The following TAFA5 variants were observed in gnomAD, a reference collection of about 807,000 sequenced individuals.
TAFA5 encodes the protein TAFA chemokine like family member 5.
Under a neutral mutation model 15.3 loss-of-function variants are expected in TAFA5, and 6 were observed. That is an observed-to-expected ratio of 0.39 (90% CI 0.21 to 0.77). The LOEUF (loss-of-function observed/expected upper bound fraction) is 0.77. TAFA5 is among the 30% of genes least tolerant of loss of function. The probability of loss-of-function intolerance (pLI) is 0.41; values close to 1 mark genes in which losing one functional copy is unlikely to be tolerated. For missense variants in TAFA5, 161 were observed against 193.1 expected (o/e 0.83, Z 0.98); for synonymous variants, 103 against 80.7 (o/e 1.28, Z -1.48).
At chr22:48,654,573 C>A (rs1927171704) in intron 2 of TAFA5, among the ~76,000 whole-genome samples, 2 of 152,264 alleles carry the variant, frequency 1.3e-5, no homozygotes, top group Non-Finnish European at 2.9e-5. Context: ...CAGGCACGTC[C>A]CATCCCTCGT....
chr22:48,628,862 A>C (rs1360227701), intron 1 of TAFA5, among the ~76,000 whole-genome samples: 1 of 152,212 alleles, frequency 6.6e-6, no homozygotes. Context: ...GCCTCCTGCA[A>C]GGTGGAAGGT....
chr22:48,508,237 C>G (rs1032645642), intron 1 of TAFA5, among the ~76,000 whole-genome samples: 1 of 152,170 alleles, frequency 6.6e-6, no homozygotes, highest in Non-Finnish European at 1.5e-5. Context: ...GCAGCTTTAT[C>G]CCAGCTTTGC....
At chr22:48,607,276 A>T (rs1377448287) in intron 1 of TAFA5, among the ~76,000 whole-genome samples, 1 of 126,082 alleles carries the variant, frequency 7.9e-6, no homozygotes, top group Non-Finnish European at 1.7e-5. Context: ...CAGGTACCTC[A>T]GCCTGGAGCA....
intron 1 of TAFA5, among the ~76,000 whole-genome samples, chr22:48,572,204 T>G (rs1923615345): frequency 6.6e-6 from 1 of 152,226 alleles, no homozygotes; most frequent in African/African-American, 2.4e-5. Context: ...TGCAAACACC[T>G]AGTGATCTCT....
intron 1 of TAFA5, among the ~76,000 whole-genome samples, chr22:48,561,483 A>G (rs940401971): frequency 1.3e-5 from 2 of 151,904 alleles, no homozygotes; most frequent in Admixed American, 6.6e-5. Context: ...TGGATGAAAA[A>G]TCACCCACAC....
At chr22:48,544,614 C>A in intron 1 of TAFA5, 1 of 448,838 alleles carries the variant, frequency 2.2e-6, no homozygotes, top group Non-Finnish European at 4.6e-6. Context: ...GCACAGCTGG[C>A]TAGGTGCCTT....
rs561962615 is a variant in TAFA5, at chr22:48,564,860, G to A, written c.112+75156G>A. Among the ~76,000 whole-genome samples, 12 of 152,342 alleles carry A rather than the reference G, an allele frequency of 7.9e-5. 1 individual carries two copies. The South Asian group carries it at 2.3e-3, about 29-fold the overall frequency. ...GCAGGACAGCTACCCCATGGTGGGT[G>A]CCTTCGGTGCCACGCACAGTCTGAG... On this transcript the variant is annotated intron_variant, in intron 1 of 3. Coordinates refer to ENST00000402357, the MANE Select transcript of TAFA5 (RefSeq NM_001082967.3).
chr22:48,605,392 A>G (rs1290859287), intron 1 of TAFA5, among the ~76,000 whole-genome samples: 14 of 114,446 alleles, frequency 1.2e-4, no homozygotes, highest in African/African-American at 1.3e-4. Context: ...TCATGGTGGT[A>G]ATGGTAATGA....
At chr22:48,611,356 A>G (rs1161590093) in intron 1 of TAFA5, among the ~76,000 whole-genome samples, 1 of 152,118 alleles carries the variant, frequency 6.6e-6, no homozygotes, top group Non-Finnish European at 1.5e-5. Flanking sequence ...TCGTACACCC[A>G]GATTATTCAT....
chr22:48,693,731 C>T (rs540325038), intron 2 of TAFA5, among the ~76,000 whole-genome samples: 1 of 152,332 alleles, frequency 6.6e-6, no homozygotes, highest in African/African-American at 2.4e-5. Flanking sequence ...TGCTCCGGGC[C>T]TTGGTTTCTG....
intron 1 of TAFA5, among the ~76,000 whole-genome samples, chr22:48,584,838 A>G (rs1202437949): frequency 3.3e-5 from 5 of 150,382 alleles, no homozygotes; most frequent in Non-Finnish European, 7.4e-5. Context: ...CGTATACAAC[A>G]CACAGCACAC....
chr22:48,622,457 C>A (rs1281357584), intron 1 of TAFA5, among the ~76,000 whole-genome samples: 1 of 152,214 alleles, frequency 6.6e-6, no homozygotes, highest in Non-Finnish European at 1.5e-5. Context: ...AGCTCCACTA[C>A]AGCACGGGGC....
At chr22:48,715,904 C>T (rs560941046) in intron 3 of TAFA5, among the ~76,000 whole-genome samples, 33 of 152,250 alleles carry the variant, frequency 2.2e-4, no homozygotes, top group Non-Finnish European at 3.1e-4. Context: ...GTCTTTAATC[C>T]GTCTTGAGTT....
At chr22:48,676,110 G>A (rs552775127) in intron 2 of TAFA5, among the ~76,000 whole-genome samples, 1 of 152,262 alleles carries the variant, frequency 6.6e-6, no homozygotes, top group Non-Finnish European at 1.5e-5. Flanking sequence ...GGGCTCACAG[G>A]CAGCCTCCCT....
intron 1 of TAFA5, among the ~76,000 whole-genome samples, chr22:48,565,887 AT>A (rs1923390739): frequency 6.6e-6 from 1 of 151,930 alleles, no homozygotes; most frequent in South Asian, 2.1e-4. Flanking sequence ...AAATGGATGG[AT>A]GGATGATAGA....
chr22:48,656,318 A>G (rs1277642053), intron 2 of TAFA5, among the ~76,000 whole-genome samples: 1 of 151,986 alleles, frequency 6.6e-6, no homozygotes, highest in East Asian at 1.9e-4. Flanking sequence ...ATCCTGGCCA[A>G]CATGGTGAAG....
intron 3 of TAFA5, among the ~76,000 whole-genome samples, chr22:48,747,764 G>A (rs889684313): frequency 3.9e-5 from 6 of 152,084 alleles, no homozygotes; most frequent in African/African-American, 1.2e-4. Context: ...CGGCATGGAG[G>A]CGCATGCCTG....
chr22:48,580,033 A>G (rs1923974661), intron 1 of TAFA5, among the ~76,000 whole-genome samples: 1 of 152,148 alleles, frequency 6.6e-6, no homozygotes, highest in African/African-American at 2.4e-5. Flanking sequence ...TTTGCAGGTT[A>G]ATATTGAGAA....
intron 1 of TAFA5, among the ~76,000 whole-genome samples, chr22:48,551,797 A>G (rs1476516896): frequency 1.3e-5 from 2 of 152,056 alleles, no homozygotes; most frequent in Non-Finnish European, 2.9e-5. Flanking sequence ...TCTCCAGGAG[A>G]GCCGCACCTC....
Sources: allele counts gnomAD v4.1 joint callset (sites outside exome capture counted in the v4.1 genomes callset), GRCh38; gene constraint gnomAD v4.1.1; transcripts MANE v1.5; gene names NCBI Gene and HGNC (gene_info 2026-07-23, HGNC 2026-07-21).